Variants in LPIN1 observed in about 807,000 individuals in gnomAD.
LPIN1 encodes phosphatidate phosphatase LPIN1.
A neutral mutation model predicts 107.5 loss-of-function variants in LPIN1; 71 were observed. The observed-to-expected ratio is 0.66, with a 90% CI of 0.55 to 0.80. LPIN1 has a LOEUF of 0.80. LPIN1 is among the 30% of genes least tolerant of loss of function. The pLI, the probability that LPIN1 is intolerant of heterozygous loss-of-function variation, is 0.00. For missense variants in LPIN1, 1,043 were observed against 1,160.6 expected, an observed-to-expected ratio of 0.90 and a Z score of 1.47; for synonymous variants, 445 against 452.6, an observed-to-expected ratio of 0.98 and a Z score of 0.21.
At chr2:11,687,281 A>G (rs1292057451) in intron 1 of LPIN1, among the ~76,000 whole-genome samples, 1 of 152,086 alleles carries the variant, frequency 6.6e-6, no homozygotes, top group Non-Finnish European at 1.5e-5. Flanking sequence ...CCTGATCCTG[A>G]TCTGTTTTTA....
Position 11,826,588 on chromosome 2 carries a change from G to A in LPIN1, c.*1797G>A, listed in dbSNP as rs946274140. 6.6e-6 allele frequency: 1 copy of A among 151,426 alleles called. No homozygotes were observed. The highest frequency in any genetic ancestry group is 1.5e-5 in the Non-Finnish European group (1 of 67,950). 9.4% of individuals were successfully genotyped at this position (151,426 alleles called of 1,614,324 possible). A position where few individuals can be genotyped will look rare whatever the true frequency, so the allele number is the denominator to read the frequency against. ...GCTTGTTCACTAGTAACCTAAAGAGGCTATATTCATTCTTTATGCAATGAG... is the reference window on the plus strand; with the variant it reads ...GCTTGTTCACTAGTAACCTAAAGAGACTATATTCATTCTTTATGCAATGAG... On this transcript the variant is annotated 3_prime_UTR_variant, in exon 21 of 21. Coordinates refer to ENST00000674199, the MANE Select transcript of LPIN1 (RefSeq NM_001349206.2).
At chr2:11,792,989 T>A (rs1043519421) in intron 13 of LPIN1, among the ~76,000 whole-genome samples, 4 of 152,188 alleles carry the variant, frequency 2.6e-5, no homozygotes, top group African/African-American at 9.7e-5. Context: ...TTCTTACTTT[T>A]CCCTTCTGCC....
chr2:11,794,108 A>G (rs1283476310), intron 13 of LPIN1, among the ~76,000 whole-genome samples: 1 of 152,234 alleles, frequency 6.6e-6, no homozygotes, highest in African/African-American at 2.4e-5. Flanking sequence ...TTCTGTTAGC[A>G]TATCTGAGGT....
intron 11 of LPIN1, 147 bp from the exon 12 acceptor site, chr2:11,788,240 G>A: frequency 3.0e-6 from 2 of 661,114 alleles, no homozygotes; most frequent in Non-Finnish European, 5.5e-6. Context: ...GGGTGATATG[G>A]AGGAGGGCTG....
chr2:11,787,483 C>A (rs1240903496), intron 11 of LPIN1, among the ~76,000 whole-genome samples: 3 of 142,500 alleles, frequency 2.1e-5, no homozygotes, highest in Non-Finnish European at 3.0e-5. Flanking sequence ...TCACTGTAGC[C>A]TTGAACTTGT....
chr2:11,779,712 G>A, intron 7 of LPIN1, 67 bp downstream of exon 7: 1 of 1,601,160 alleles, frequency 6.2e-7, no homozygotes, highest in East Asian at 2.2e-5. Flanking sequence ...CATGGAATTA[G>A]TATCATAGCA....
chr2:11,812,954 G>A (rs1056462759), intron 17 of LPIN1, among the ~76,000 whole-genome samples: 1 of 152,206 alleles, frequency 6.6e-6, no homozygotes, highest in Non-Finnish European at 1.5e-5. Flanking sequence ...TGTGGCGTGG[G>A]GGCTGGGGGT....
rs1673708091 is a variant in LPIN1, at chr2:11,782,316, C to T, written c.1073C>T (p.Ser358Leu). 9 of 1,614,042 alleles carry T rather than the reference C, an allele frequency of 5.6e-6. No homozygotes were observed. Among genetic ancestry groups the T allele is most frequent in the African/African-American group, 4.0e-5 (3 of 74,930 alleles). ...TCTTCAGACACTTTTAGTGACCAAT[C>T]GCCAACTCTGGTCGGTGGGGCACTT... is the stretch of plus-strand genomic sequence containing the variant. Reference protein sequence around the residue: ...SESSDTFSDQSPTLVGGALLD... With the variant: ...SESSDTFSDQLPTLVGGALLD... Residue 358 changes from serine (S) to leucine (L), a missense_variant, in exon 8 of 21, where the codon TCG (serine) becomes TTG (leucine). Transcript: ENST00000674199.
intron 1 of LPIN1, among the ~76,000 whole-genome samples, chr2:11,759,850 C>T (rs530820156): frequency 0.01 from 1,509 of 148,432 alleles, 19 homozygotes; most frequent in African/African-American, 0.036. Context: ...GGCGGCTGGC[C>T]GGGCGGGGGC....
intron 14 of LPIN1, among the ~76,000 whole-genome samples, chr2:11,799,721 C>G (rs894222012): frequency 2.0e-5 from 3 of 151,986 alleles, no homozygotes; most frequent in South Asian, 2.1e-4. Context: ...CAGTCCAGGT[C>G]TCTCTAGCCT....
At chr2:11,752,432 C>CTTTTTTTTTTTTT (rs1354955148) in intron 1 of LPIN1, among the ~76,000 whole-genome samples, 14 of 82,632 alleles carry the variant, frequency 1.7e-4, no homozygotes, top group African/African-American at 1.1e-3. Context: ...GTTCCAAGGC[C>CTTTTTTTTTTTTT]ATTTTTTTTT....
chr2:11,694,949 G>C (rs532653657), intron 1 of LPIN1, among the ~76,000 whole-genome samples: 1 of 152,030 alleles, frequency 6.6e-6, no homozygotes, highest in African/African-American at 2.4e-5. Flanking sequence ...CATGAATCTC[G>C]ATGATCATCC....
intron 17 of LPIN1, among the ~76,000 whole-genome samples, chr2:11,812,502 G>A (rs1679839476): frequency 6.6e-6 from 1 of 152,256 alleles, no homozygotes; most frequent in Admixed American, 6.5e-5. Flanking sequence ...ACCTAGATGA[G>A]GTGAGGGTAC....
In LPIN1 at chr2:11,779,512, C is replaced by A; in HGVS notation, c.831-7C>A. On this transcript the variant is annotated splice_region_variant and splice_polypyrimidine_tract_variant and intron_variant, in intron 6 of 20. Transcript: ENST00000674199. ...CACCTTAATTTTCGCTTTGTGTTTT[C>A]CTTAAGTCCTTCCGGTTCCCGACCT... 6.2e-7 allele frequency: 1 copy of A among 1,613,050 alleles called. No individual in the cohort carries two copies. Among genetic ancestry groups the A allele is most frequent in the South Asian group, 1.1e-5 (1 of 91,010 alleles).
At chr2:11,764,584 G>T (rs1255504883) in intron 1 of LPIN1, among the ~76,000 whole-genome samples, 1 of 152,236 alleles carries the variant, frequency 6.6e-6, no homozygotes, top group African/African-American at 2.4e-5. Flanking sequence ...GTGGATTGCA[G>T]TTGACAGCTG....
intron 17 of LPIN1, among the ~76,000 whole-genome samples, chr2:11,810,188 C>T (rs1228831839): frequency 1.3e-5 from 2 of 152,122 alleles, no homozygotes; most frequent in East Asian, 1.9e-4. Context: ...ACACTTAGGG[C>T]TCCCTGTAAT....
At chr2:11,818,358 T>C (rs1349930667) in intron 18 of LPIN1, 1 of 152,244 alleles carries the variant, frequency 6.6e-6, no homozygotes, top group African/African-American at 2.4e-5. Flanking sequence ...TTCAGTAAAG[T>C]TTTATAATTT....
chr2:11,767,284 T>A lies in LPIN1; in HGVS notation c.193-479T>A, dbSNP rs373714626. On this transcript the variant is annotated intron_variant, in intron 2 of 20. Coordinates refer to ENST00000674199, the MANE Select transcript of LPIN1 (RefSeq NM_001349206.2). ...CCAATAGTTGATGAGTTTTCCAGGG[T>A]GTAATTTCTAATGTCTGGGGCTGGG... 6.6e-5 allele frequency among the ~76,000 whole-genome samples: 10 copies of A among 152,160 alleles called. No individual in the cohort carries two copies. In the East Asian group the frequency reaches 1.4e-3, roughly 21 times the overall value.
In LPIN1 at chr2:11,803,348, A is replaced by T. The variant is rs1002420088; in HGVS notation, c.2013+315A>T. ...GGTGTCAATCACAGATAGACTTGAA[A>T]ATCACTCAAGGGTGTTTTTGCTTCA... On this transcript the variant is annotated intron_variant, in intron 15 of 20. Coordinates refer to ENST00000674199, the MANE Select transcript of LPIN1 (RefSeq NM_001349206.2). This position sits in a 1 kb window ranked among gnomAD's most constrained non-coding sequence, Gnocchi z 4.2. 6.6e-6 allele frequency among the ~76,000 whole-genome samples: 1 copy of T among 152,128 alleles called. No individual in the cohort carries two copies. Among genetic ancestry groups the T allele is most frequent in the Non-Finnish European group, 1.5e-5 (1 of 68,020 alleles).
Sources: gnomAD v4.1 joint callset for allele counts (sites outside exome capture counted in the v4.1 genomes callset) on GRCh38, gnomAD v4.1.1 for gene constraint, Gnocchi (gnomAD v3.1) non-coding constraint, MANE v1.5 for transcripts, NCBI Gene and HGNC (gene_info 2026-07-23, HGNC 2026-07-21) for gene names.